The following LMCD1 variants were observed in gnomAD, a reference collection of about 807,000 sequenced individuals.
LMCD1 encodes the protein LIM and cysteine-rich domains protein 1.
LMCD1 carries 32 observed loss-of-function variants against 42.7 expected under a neutral mutation model. That is an observed-to-expected ratio of 0.75 (90% confidence interval 0.57 to 1.01). The LOEUF is 1.01. Among genes scored for constraint, LMCD1 ranks in the 50% least tolerant of loss-of-function variants. The pLI is 0.00. For missense variants in LMCD1, 458 were observed against 483.1 expected (o/e 0.95, Z 0.49); for synonymous variants, 178 against 184.9 (o/e 0.96, Z 0.30).
intron 2 of LMCD1, among the ~76,000 whole-genome samples, chr3:8,533,821 T>C (rs551324805): frequency 6.6e-6 from 1 of 151,970 alleles, no homozygotes; most frequent in African/African-American, 2.4e-5. Context: ...AATCCCATGC[T>C]CCTAATCGTT....
chr3:8,547,746 A>AGCCGGGT (rs59400496), intron 3 of LMCD1, among the ~76,000 whole-genome samples: 1 of 151,536 alleles, frequency 6.6e-6, no homozygotes, highest in Non-Finnish European at 1.5e-5. Context: ...CAAAAAAATT[A>AGCCGGGT]GCAGTGGCGG....
At chr3:8,543,544 G>A (rs371603072) in intron 3 of LMCD1, among the ~76,000 whole-genome samples, 1 of 152,198 alleles carries the variant, frequency 6.6e-6, no homozygotes, top group East Asian at 1.9e-4. Context: ...CTGCAGTGGT[G>A]TGATCACAGC....
chr3:8,508,871 T>C (rs1693937112), intron 1 of LMCD1, among the ~76,000 whole-genome samples: 2 of 152,154 alleles, frequency 1.3e-5, no homozygotes, highest in Admixed American at 1.3e-4. Flanking sequence ...GAAGTTCAGG[T>C]GGACATTTTG....
intron 1 of LMCD1, 50 bp from the exon 2 acceptor site, chr3:8,532,687 G>GGTCCAAGAT (rs776813057): frequency 3.9e-6 from 6 of 1,533,498 alleles, no homozygotes; most frequent in Non-Finnish European, 5.4e-6. Context: ...AAGCATCTCC[G>GGTCCAAGAT]GTCCAAGATG....
intron 1 of LMCD1, among the ~76,000 whole-genome samples, chr3:8,510,287 G>A (rs1693971538): frequency 6.6e-6 from 1 of 152,132 alleles, no homozygotes. Context: ...ACGGCACACG[G>A]GTGCTCCCCA....
intron 4 of LMCD1, among the ~76,000 whole-genome samples, chr3:8,561,096 A>G (rs995620979): frequency 1.3e-5 from 2 of 152,230 alleles, no homozygotes; most frequent in Non-Finnish European, 2.9e-5. Context: ...AGTTAAGAAT[A>G]GTAAGTGTGC....
At chr3:8,536,914 G>C (rs2125024846) in intron 2 of LMCD1, among the ~76,000 whole-genome samples, 1 of 152,280 alleles carries the variant, frequency 6.6e-6, no homozygotes, top group East Asian at 1.9e-4. Context: ...CTTTGCCGTG[G>C]CAACCACCAG....
chr3:8,548,533 ACAT>A, intron 3 of LMCD1, 32 bp from the exon 4 acceptor site: 1 of 1,471,958 alleles, frequency 6.8e-7, no homozygotes, highest in Non-Finnish European at 9.3e-7. Context: ...AGCCCCATCC[ACAT>A]CATGTTGTCT....
At chr3:8,519,335 C>T (rs1168245705) in intron 1 of LMCD1, among the ~76,000 whole-genome samples, 2 of 152,092 alleles carry the variant, frequency 1.3e-5, no homozygotes, top group Non-Finnish European at 2.9e-5. Flanking sequence ...TGGGCAGGCT[C>T]AGAAGTATGC....
intron 3 of LMCD1, among the ~76,000 whole-genome samples, chr3:8,545,443 C>G (rs1032144823): frequency 2.0e-5 from 3 of 152,162 alleles, no homozygotes; most frequent in African/African-American, 4.8e-5. Context: ...ATATTTCTTC[C>G]TTGAGAATTC....
intron 4 of LMCD1, among the ~76,000 whole-genome samples, chr3:8,549,299 A>G (rs765582825): frequency 6.6e-6 from 1 of 152,148 alleles, no homozygotes; most frequent in Non-Finnish European, 1.5e-5. Context: ...AGCATTTGCA[A>G]AAAGAGCCAG....
chr3:8,555,494 G>A (rs910403432), intron 4 of LMCD1, among the ~76,000 whole-genome samples: 16 of 152,094 alleles, frequency 1.1e-4, no homozygotes, highest in African/African-American at 3.9e-4. Context: ...CCACAGTCCC[G>A]CCACCCCTGG....
intron 4 of LMCD1, among the ~76,000 whole-genome samples, chr3:8,560,056 G>A (rs971508319): frequency 1.4e-4 from 22 of 152,136 alleles, no homozygotes; most frequent in African/African-American, 3.4e-4. Flanking sequence ...ATACTGCTGC[G>A]AGAATATCTC....
At chr3:8,522,451 A>G (rs912828203) in intron 1 of LMCD1, among the ~76,000 whole-genome samples, 1 of 152,162 alleles carries the variant, frequency 6.6e-6, no homozygotes, top group Non-Finnish European at 1.5e-5. Context: ...TGTGTTCCTC[A>G]AGGAGCCTGA....
At chr3:8,529,083 C>T (rs1358981404) in intron 1 of LMCD1, among the ~76,000 whole-genome samples, 2 of 152,052 alleles carry the variant, frequency 1.3e-5, no homozygotes, top group Non-Finnish European at 2.9e-5. Context: ...GACACTGTGC[C>T]GTCTTTCAAG....
At chr3:8,557,966 C>T (rs552972077) in intron 4 of LMCD1, among the ~76,000 whole-genome samples, 3 of 152,316 alleles carry the variant, frequency 2.0e-5, no homozygotes, top group East Asian at 1.9e-4. Flanking sequence ...ACCTCCTTGA[C>T]CTCCGAGGTC....
At chr3:8,547,525 C>A (rs951938721) in intron 3 of LMCD1, among the ~76,000 whole-genome samples, 2 of 152,202 alleles carry the variant, frequency 1.3e-5, no homozygotes, top group Non-Finnish European at 2.9e-5. Context: ...GACAGTCATA[C>A]ACCACTTAAT....
At chr3:8,502,598 A>G (rs1012016646) in intron 1 of LMCD1, among the ~76,000 whole-genome samples, 7 of 120,074 alleles carry the variant, frequency 5.8e-5, no homozygotes, top group Admixed American at 2.6e-4. Context: ...ACACACACAC[A>G]CACACACACG....
chr3:8,573,891 GAAGAA>G lies in LMCD1; in HGVS notation c.*6306_*6310del, dbSNP rs751659844. 1.0e-4 allele frequency: 15 copies of G among 148,018 alleles called. No individual in the cohort carries two copies. The highest frequency in any genetic ancestry group is 3.2e-4 in the African/African-American group (13 of 40,254). 9.2% of individuals were successfully genotyped at this position (148,018 alleles called of 1,614,324 possible). ...GGTTTAAACCTAAAAAAAAAAAAAA[GAAGAA>G]AAGAAAAGAAAAAATATGAGAGGGG... On this transcript the variant is annotated 3_prime_UTR_variant, in exon 6 of 6. Transcript: ENST00000157600.
Sources: allele counts gnomAD v4.1 joint callset (sites outside exome capture counted in the v4.1 genomes callset), GRCh38; gene constraint gnomAD v4.1.1; transcripts MANE v1.5; gene names NCBI Gene and HGNC (gene_info 2026-07-23, HGNC 2026-07-21).